The following DYSF variants were observed in gnomAD, a reference collection of about 807,000 sequenced individuals.
DYSF encodes dystrophy-associated fer-1-like 1.
A neutral mutation model predicts 274.9 loss-of-function variants in DYSF; 212 were observed. That is an observed-to-expected ratio of 0.77 (90% CI 0.69 to 0.86). DYSF has a LOEUF of 0.86. Among genes scored for constraint, DYSF ranks in the 40% least tolerant of loss-of-function variants. The probability of loss-of-function intolerance (pLI) is 0.00; values close to 1 mark genes in which losing one functional copy is unlikely to be tolerated. For synonymous variants in DYSF, 1,091 were observed against 1,078.7 expected (o/e 1.01, Z -0.22); for missense variants, 2,666 against 2,783.2 (o/e 0.96, Z 0.95).
chr2:71,458,890 A>G (rs1406400153), intron 1 of DYSF, among the ~76,000 whole-genome samples: 1 of 152,174 alleles, frequency 6.6e-6, no homozygotes, highest in Non-Finnish European at 1.5e-5. Flanking sequence ...AGGTCACACC[A>G]CTAGGAAAGG....
chr2:71,489,376 T>G (rs72827510), intron 3 of DYSF, among the ~76,000 whole-genome samples: 25,663 of 152,216 alleles, frequency 0.17, 3,346 homozygotes, highest in East Asian at 0.63. Flanking sequence ...GGATGCTGCT[T>G]TATAGCTCAG....
intron 12 of DYSF, among the ~76,000 whole-genome samples, chr2:71,522,613 G>T (rs1330166499): frequency 6.6e-6 from 1 of 152,080 alleles, no homozygotes; most frequent in Non-Finnish European, 1.5e-5. Flanking sequence ...CTTGTAAATT[G>T]CTCTTCTCCA....
At chr2:71,494,382 AT>A (rs1263397245) in intron 3 of DYSF, among the ~76,000 whole-genome samples, 1 of 151,962 alleles carries the variant, frequency 6.6e-6, no homozygotes, top group Admixed American at 6.6e-5. Flanking sequence ...GTGTTGTCTG[AT>A]TTTTCCATTG....
At chr2:71,537,700 C>A (rs1379242846) in intron 16 of DYSF, among the ~76,000 whole-genome samples, 1 of 152,152 alleles carries the variant, frequency 6.6e-6, no homozygotes, top group African/African-American at 2.4e-5. Flanking sequence ...GAAAGGAGCA[C>A]AGAAATTGTG....
intron 33 of DYSF, among the ~76,000 whole-genome samples, chr2:71,600,136 C>T (rs2093513978): frequency 6.6e-6 from 1 of 152,178 alleles, no homozygotes; most frequent in Non-Finnish European, 1.5e-5. Context: ...GGGCTTGCCC[C>T]TGCATCCAGT....
chr2:71,583,911 A>G, intron 30 of DYSF, among the ~76,000 whole-genome samples: 1 of 152,172 alleles, frequency 6.6e-6, no homozygotes, highest in Non-Finnish European at 1.5e-5. Context: ...TCTGGGAGGC[A>G]GAGAGTTCCT....
At chr2:71,646,450 T>G (rs1321098724) in intron 42 of DYSF, among the ~76,000 whole-genome samples, 2 of 152,188 alleles carry the variant, frequency 1.3e-5, no homozygotes, top group South Asian at 4.1e-4. Context: ...AAACTATTTC[T>G]GGGGGGAAAA....
At chr2:71,566,996 G>A (rs189151992) in intron 24 of DYSF, among the ~76,000 whole-genome samples, 6 of 152,286 alleles carry the variant, frequency 3.9e-5, no homozygotes, top group East Asian at 3.9e-4. Flanking sequence ...GAACCCACCC[G>A]TTTTCTCACT....
intron 55 of DYSF, among the ~76,000 whole-genome samples, chr2:71,684,903 G>T (rs2095337931): frequency 6.6e-6 from 1 of 152,202 alleles, no homozygotes; most frequent in South Asian, 2.1e-4. Context: ...CTGGGACTGT[G>T]CTTAGGGGAG....
Position 71,520,554 on chromosome 2 carries a change from G to A in DYSF, c.1034-235G>A, listed in dbSNP as rs1250896625. ...GATCTGGTCACTTCCTGAAGGGGAGGAAAATGCCTTGGGTTTGGCTCTGCC... is the reference window on the plus strand; with the variant it reads ...GATCTGGTCACTTCCTGAAGGGGAGAAAAATGCCTTGGGTTTGGCTCTGCC... On this transcript the variant is annotated intron_variant, in intron 11 of 55. Coordinates refer to ENST00000410020, the MANE Select transcript of DYSF (RefSeq NM_001130987.2). Among the ~76,000 whole-genome samples, 7 of 152,320 alleles carry A rather than the reference G, an allele frequency of 4.6e-5. No individual in the cohort carries two copies. In the East Asian group the frequency reaches 7.7e-4, roughly 17 times the overall value.
intron 1 of DYSF, among the ~76,000 whole-genome samples, chr2:71,475,001 C>A (rs989968791): frequency 6.6e-6 from 1 of 152,156 alleles, no homozygotes; most frequent in Non-Finnish European, 1.5e-5. Flanking sequence ...GCAGCAGACA[C>A]TTTTATTATG....
rs1051418008 is a variant in DYSF, at chr2:71,648,154, G to A, written c.4626+4091G>A. 2.0e-5 allele frequency among the ~76,000 whole-genome samples: 3 copies of A among 152,238 alleles called. No homozygotes were observed. In the South Asian group the frequency reaches 6.2e-4, roughly 31 times the overall value. On this transcript the variant is annotated intron_variant, in intron 42 of 55. Transcript: ENST00000410020. ...TCAAAATGAAAACTTATCAGTAGAA[G>A]AGGACATATACCTACTTGAAAAATT...
intron 27 of DYSF, 105 bp from the exon 28 acceptor site, chr2:71,570,124 G>A (rs1216265693): frequency 8.5e-7 from 1 of 1,174,686 alleles, no homozygotes; most frequent in Non-Finnish European, 1.3e-6. Context: ...CTGCCCTTCT[G>A]TCTGGGACTT....
At chr2:71,477,398 A>G (rs1052273982) in intron 1 of DYSF, among the ~76,000 whole-genome samples, 1 of 152,138 alleles carries the variant, frequency 6.6e-6, no homozygotes, top group Non-Finnish European at 1.5e-5. Context: ...ATTGGGGTTC[A>G]TCTGTAAGTT....
chr2:71,608,155 C>T (rs2093678952), intron 36 of DYSF, among the ~76,000 whole-genome samples: 1 of 151,756 alleles, frequency 6.6e-6, no homozygotes, highest in Non-Finnish European at 1.5e-5. Flanking sequence ...GTGCTGAGGG[C>T]AGAAGCAGGG....
At chr2:71,495,773 T>C (rs1322278348) in intron 3 of DYSF, among the ~76,000 whole-genome samples, 4 of 151,934 alleles carry the variant, frequency 2.6e-5, no homozygotes, top group Non-Finnish European at 4.4e-5. Context: ...GCCACTGACA[T>C]AGGGGAAGGC....
chr2:71,570,518 C>A, intron 28 of DYSF, 81 bp from the exon 29 acceptor site: 1 of 1,578,598 alleles, frequency 6.3e-7, no homozygotes, highest in East Asian at 2.3e-5. Flanking sequence ...GAGTCTGTGA[C>A]CATGCCCCAA....
chr2:71,571,731 GCACACA>G (rs1356096464), intron 29 of DYSF, among the ~76,000 whole-genome samples: 2 of 100,592 alleles, frequency 2.0e-5, no homozygotes, highest in Admixed American at 1.1e-4. Flanking sequence ...ATCACACCCA[GCACACA>G]CACAGATCAC....
At chr2:71,553,236 AG>A in intron 20 of DYSF, 48 bp downstream of exon 20, 1 of 1,611,764 alleles carries the variant, frequency 6.2e-7, no homozygotes, top group Non-Finnish European at 8.5e-7. Context: ...ATCATAGAGC[AG>A]GGGGCCACAC....
Sources: allele counts gnomAD v4.1 joint callset (sites outside exome capture counted in the v4.1 genomes callset), GRCh38; gene constraint gnomAD v4.1.1; transcripts MANE v1.5; gene names NCBI Gene and HGNC (gene_info 2026-07-23, HGNC 2026-07-21).